NAT1: variants seen among roughly 807,000 people sequenced by gnomAD.
The protein encoded by NAT1 is N-acetyltransferase 1.
For missense variants in NAT1, 400 were observed against 339.2 expected (o/e 1.18, Z -1.41); for synonymous variants, 144 against 122.6 (o/e 1.17, Z -1.16).
upstream of NAT1, among the ~76,000 whole-genome samples, chr8:18,208,207 G>A (rs976264199): frequency 9.9e-5 from 15 of 151,886 alleles, no homozygotes; most frequent in Admixed American, 2.0e-4. Context: ...GTTGATAGGT[G>A]CAGCAAACCA....
upstream of NAT1, among the ~76,000 whole-genome samples, chr8:18,205,832 G>A (rs191867249): frequency 6.6e-5 from 10 of 152,156 alleles, no homozygotes; most frequent in African/African-American, 1.4e-4. Flanking sequence ...CTCCCAGGGC[G>A]CTGCAAGCAG....
At chr8:18,199,520 C>T in intron 2 of NAT1, among the ~76,000 whole-genome samples, 1 of 152,020 alleles carries the variant, frequency 6.6e-6, no homozygotes, top group East Asian at 1.9e-4. Context: ...TGCCATCCGT[C>T]CCCTTTAAGG....
chr8:18,188,270 A>G (rs1255673760), intron 2 of NAT1, among the ~76,000 whole-genome samples: 1 of 152,180 alleles, frequency 6.6e-6, no homozygotes. Context: ...TGTCTGCCCA[A>G]GCCCACCTTC....
intron 2 of NAT1, among the ~76,000 whole-genome samples, chr8:18,202,731 G>T (rs1400325901): frequency 6.6e-6 from 1 of 152,192 alleles, no homozygotes. Flanking sequence ...CCCTGGCGGT[G>T]AGTGTTACAG....
chr8:18,190,248 G>C (rs1266406435), intron 2 of NAT1, among the ~76,000 whole-genome samples: 2 of 152,222 alleles, frequency 1.3e-5, no homozygotes, highest in African/African-American at 4.8e-5. Flanking sequence ...ACTGTTGTAA[G>C]TTTAATTAAG....
rs578188966 is a variant in NAT1, at chr8:18,183,096, T to G, written n.92+12357T>G. The stretch of plus-strand genomic sequence containing the variant: ...TGTATTGGCTCATAGTTCTGAGGAC[T>G]GGGAAGACTAAGGTCAATGCACCAA... On this transcript the variant is annotated intron_variant and non_coding_transcript_variant, in intron 2 of 4. Coordinates refer to the NAT1 transcript ENST00000517441. Among the ~76,000 whole-genome samples, 5 of 152,270 alleles carry G rather than the reference T, an allele frequency of 3.3e-5. No homozygotes were observed. The South Asian group carries it at 1.0e-3, about 32-fold the overall frequency.
intron 1 of NAT1, among the ~76,000 whole-genome samples, chr8:18,217,736 G>A (rs1382045232): frequency 6.6e-6 from 1 of 152,146 alleles, no homozygotes; most frequent in Admixed American, 6.5e-5. Flanking sequence ...GGGGACTACT[G>A]GGTGCCTGGG....
intron 2 of NAT1, among the ~76,000 whole-genome samples, chr8:18,201,590 G>A (rs1385799242): frequency 6.6e-6 from 1 of 152,204 alleles, no homozygotes; most frequent in African/African-American, 2.4e-5. Context: ...GTCACCTGCA[G>A]GCTATAGAAA....
chr8:18,193,172 G>A (rs1803083095), intron 2 of NAT1, among the ~76,000 whole-genome samples: 2 of 144,462 alleles, frequency 1.4e-5, no homozygotes, highest in Non-Finnish European at 3.0e-5. Flanking sequence ...TTGACCTCCT[G>A]GGCTCAAGCA....
intron 2 of NAT1, among the ~76,000 whole-genome samples, chr8:18,197,952 T>C (rs752014712): frequency 9.2e-5 from 14 of 152,086 alleles, no homozygotes; most frequent in Non-Finnish European, 2.1e-4. Context: ...AAATCATTTA[T>C]ATATGTATGA....
In NAT1 at chr8:18,222,022, G is replaced by A. The variant is rs199497869; in HGVS notation, c.-6-20G>A. 3.7e-5 allele frequency: 58 copies of A among 1,579,974 alleles called. No homozygotes were observed. In the African/African-American group the frequency reaches 4.9e-4, roughly 13 times the overall value. On this transcript the variant is annotated intron_variant, in intron 2 of 2. Coordinates refer to ENST00000307719, the MANE Select transcript of NAT1 (RefSeq NM_000662.8). ...TGTAAAAGTAAAATGATTTGCTTTC[G>A]TTTTGTTTTCCTTGCTTAGGGGATC...
chr8:18,206,782 C>T (rs569391491), upstream of NAT1, among the ~76,000 whole-genome samples: 2 of 152,254 alleles, frequency 1.3e-5, no homozygotes, highest in Admixed American at 6.5e-5. Context: ...ACTCTGATGA[C>T]AGTTTCTTTT....
intron 2 of NAT1, among the ~76,000 whole-genome samples, chr8:18,201,965 A>C (rs1014824594): frequency 1.3e-5 from 2 of 152,214 alleles, no homozygotes; most frequent in African/African-American, 4.8e-5. Context: ...TATCAAGCTC[A>C]ATCAGTTTCC....
chr8:18,180,930 G>A (rs1189721740), intron 2 of NAT1, among the ~76,000 whole-genome samples: 2 of 152,074 alleles, frequency 1.3e-5, no homozygotes, highest in Non-Finnish European at 2.9e-5. Context: ...ATTTGAGACA[G>A]CTAATGTGAT....
chr8:18,179,613 T>G (rs1365933492), intron 2 of NAT1, among the ~76,000 whole-genome samples: 2 of 152,296 alleles, frequency 1.3e-5, no homozygotes, highest in Admixed American at 1.3e-4. Context: ...TGCTGGAGTC[T>G]GCAGACCCCA....
intron 2 of NAT1, among the ~76,000 whole-genome samples, chr8:18,184,826 A>C (rs534364858): frequency 6.6e-6 from 1 of 152,200 alleles, no homozygotes; most frequent in East Asian, 1.9e-4. Context: ...CCTGCATTCT[A>C]CTTCCCTCTA....
At chr8:18,171,752 C>T (rs1386887813) in intron 2 of NAT1, among the ~76,000 whole-genome samples, 2 of 152,140 alleles carry the variant, frequency 1.3e-5, no homozygotes, top group Non-Finnish European at 2.9e-5. Flanking sequence ...CATTGTGGAA[C>T]ATTCTGAGCT....
chr8:18,193,024 A>C (rs1252599496), intron 2 of NAT1, among the ~76,000 whole-genome samples: 1 of 151,098 alleles, frequency 6.6e-6, no homozygotes, highest in African/African-American at 2.4e-5. Flanking sequence ...AAACAACAAC[A>C]ACAACAAAAG....
chr8:18,178,459 C>T (rs1006315568), intron 2 of NAT1, among the ~76,000 whole-genome samples: 11 of 152,116 alleles, frequency 7.2e-5, no homozygotes, highest in African/African-American at 2.4e-4. Flanking sequence ...ACAGACATCT[C>T]TTCACTCACA....
Sources: gnomAD v4.1 joint callset for allele counts (sites outside exome capture counted in the v4.1 genomes callset) on GRCh38, gnomAD v4.1.1 for gene constraint, MANE v1.5 for transcripts, NCBI Gene and HGNC (gene_info 2026-07-23, HGNC 2026-07-21) for gene names.